DCP1A: variants seen among roughly 807,000 people sequenced by gnomAD.
DCP1A encodes the protein decapping mRNA 1A.
DCP1A carries 20 observed loss-of-function variants against 58.0 expected under a neutral mutation model. The observed-to-expected ratio is 0.34, with a 90% CI of 0.24 to 0.50. DCP1A has a LOEUF of 0.50. Among genes scored for constraint, DCP1A ranks in the 20% least tolerant of loss-of-function variants. The pLI, the probability that DCP1A is intolerant of heterozygous loss-of-function variation, is 0.98. For missense variants in DCP1A, 613 were observed against 712.2 expected (o/e 0.86, Z 1.59); for synonymous variants, 285 against 275.1 (o/e 1.04, Z -0.36).
intron 3 of DCP1A, chr3:53,329,359 T>C (rs1040404752): frequency 2.5e-6 from 1 of 398,578 alleles, no homozygotes. Flanking sequence ...TTAAAAGCAC[T>C]ATGTATCAAG....
At chr3:53,319,537 A>G in intron 3 of DCP1A, 64 bp from the exon 4 acceptor site, 2 of 964,366 alleles carry the variant, frequency 2.1e-6, no homozygotes, top group Non-Finnish European at 3.2e-6. Context: ...GTGTATGTAA[A>G]TAATATATTA....
chr3:53,331,175 T>C (rs2088992837), intron 3 of DCP1A, among the ~76,000 whole-genome samples: 1 of 152,152 alleles, frequency 6.6e-6, no homozygotes, highest in African/African-American at 2.4e-5. Flanking sequence ...AATATTGAAA[T>C]AGTTTTTGCC....
At chr3:53,312,513 T>G in intron 4 of DCP1A, 134 bp from the exon 5 acceptor site, 1 of 787,962 alleles carries the variant, frequency 1.3e-6, no homozygotes, top group African/African-American at 1.9e-5. Flanking sequence ...TTTTTTTTTT[T>G]GAGATGGAGT....
intron 4 of DCP1A, among the ~76,000 whole-genome samples, chr3:53,314,673 T>TTC: frequency 7.2e-6 from 1 of 139,728 alleles, no homozygotes; most frequent in South Asian, 2.4e-4. Context: ...TTTTCTTTTT[T>TTC]TTTTTTTTTT....
At chr3:53,289,255 C>T (rs192795315) in intron 8 of DCP1A, among the ~76,000 whole-genome samples, 150 of 151,372 alleles carry the variant, frequency 9.9e-4, no homozygotes, top group African/African-American at 3.3e-3. Context: ...GCCACCACAC[C>T]TGGCCTCTAA....
intron 3 of DCP1A, among the ~76,000 whole-genome samples, chr3:53,335,382 CCA>C (rs797032866): frequency 7.1e-5 from 1 of 14,166 alleles, no homozygotes. Context: ...CTCAAGTGAT[CCA>C]GCCTGCCTAG....
intron 6 of DCP1A, 83 bp downstream of exon 6, chr3:53,304,094 A>G (rs1707392358): frequency 3.0e-6 from 3 of 995,016 alleles, no homozygotes; most frequent in Non-Finnish European, 4.6e-6. Context: ...ACAACTGACA[A>G]ATCAAACTTG....
intron 1 of DCP1A, among the ~76,000 whole-genome samples, chr3:53,345,629 C>T (rs534276067): frequency 3.3e-5 from 5 of 152,200 alleles, no homozygotes; most frequent in African/African-American, 9.6e-5. Context: ...CAATTTACAG[C>T]CTACAATGGA....
intron 6 of DCP1A, among the ~76,000 whole-genome samples, chr3:53,301,798 T>C (rs1228204433): frequency 2.6e-5 from 4 of 152,198 alleles, no homozygotes; most frequent in African/African-American, 7.2e-5. Flanking sequence ...ACTTGATACA[T>C]GTAACAACTT....
intron 3 of DCP1A, among the ~76,000 whole-genome samples, chr3:53,333,834 T>C (rs1262719369): frequency 2.0e-5 from 3 of 152,212 alleles, no homozygotes; most frequent in African/African-American, 4.8e-5. Flanking sequence ...CTAATGATGC[T>C]TTTTGCTTTA....
At position 53,338,945 on chromosome 3, in the gene DCP1A, T is replaced by C. The variant is rs77289090; in HGVS notation, c.304+3199A>G. Among the ~76,000 whole-genome samples, 79 of 152,188 alleles carry C rather than the reference T, an allele frequency of 5.2e-4. 1 individual carries two copies. Among genetic ancestry groups the C allele is most frequent in the African/African-American group, 1.8e-3 (75 of 41,512 alleles). On this transcript the variant is annotated intron_variant, in intron 3 of 9. Coordinates refer to ENST00000610213, the MANE Select transcript of DCP1A (RefSeq NM_018403.7). ...AAAAAGTTATGGTTCACTGTTCTAG[T>C]ACATTAACTCCAAAAATTAATTTGA... is the stretch of plus-strand genomic sequence containing the variant.
At chr3:53,338,067 A>G (rs782458952) in intron 3 of DCP1A, 11 of 368,078 alleles carry the variant, frequency 3.0e-5, no homozygotes, top group Non-Finnish European at 6.2e-5. Context: ...CCTACTCCCA[A>G]ATTCTCCATC....
rs1350541363 is a variant in DCP1A at position 53,312,336 on chromosome 3, C to T, written c.415G>A (p.Asp139Asn). 5 of 1,612,844 alleles carry T rather than the reference C, an allele frequency of 3.1e-6. No individual in the cohort carries two copies. In the Admixed American group the frequency reaches 5.0e-5, roughly 16 times the overall value. The change falls in exon 5 of 10, where the codon GAC (aspartate) becomes AAC (asparagine). Residue 139 changes from aspartate to asparagine, a missense_variant. This residue lies in a region of DCP1A where 498 missense variants were observed against 556.7 expected (regional missense o/e 0.89). Transcript: ENST00000610213. ...TTGGCCTGGCTGGGACTCTGTTTGTCCCGAGCAGCTTGCTGGGATCGCCGT... is the reference window on the plus strand; with the variant it reads ...TTGGCCTGGCTGGGACTCTGTTTGTTCCGAGCAGCTTGCTGGGATCGCCGT... ...ETRRSQQAAR[D>N]KQSPSQANGC... is the part of the protein sequence containing the mutation.
chr3:53,338,967 T>C (rs995621911), intron 3 of DCP1A, among the ~76,000 whole-genome samples: 15 of 152,114 alleles, frequency 9.9e-5, no homozygotes, highest in African/African-American at 2.4e-4. Flanking sequence ...AAAAATTAAT[T>C]TGAATGAAAG....
chr3:53,292,239 C>T lies in DCP1A; in HGVS notation c.1213G>A (p.Asp405Asn). The change falls in exon 7 of 10, where the codon GAC becomes AAC. Residue 405 changes from aspartate (D) to asparagine (N), a missense_variant. This residue lies in a region of DCP1A where 498 missense variants were observed against 556.7 expected (regional missense o/e 0.89). Transcript: ENST00000610213. ...LQKLRLTPQHDQIQTQPLGKG... is the reference protein window; with the variant it reads ...LQKLRLTPQHNQIQTQPLGKG... ...CCAAGTGGTTGTGTCTGTATTTGGT[C>T]ATGCTGTGGGGTCAACCTGAGTTTC... 6.2e-7 allele frequency: 1 copy of T among 1,613,998 alleles called. No individual in the cohort carries two copies. The highest frequency in any genetic ancestry group is 8.5e-7 in the Non-Finnish European group (1 of 1,179,906).
chr3:53,290,884 C>T (rs1366099081), intron 7 of DCP1A, 28 bp from the exon 8 acceptor site: 3 of 1,581,686 alleles, frequency 1.9e-6, no homozygotes, highest in Admixed American at 1.8e-5. Flanking sequence ...AAAAGACAGA[C>T]GGATATAAGA....
intron 5 of DCP1A, among the ~76,000 whole-genome samples, chr3:53,308,493 T>C (rs990322865): frequency 6.6e-6 from 1 of 152,206 alleles, no homozygotes; most frequent in Non-Finnish European, 1.5e-5. Context: ...GATCTCATTA[T>C]ATGTTGACCA....
chr3:53,288,904 A>C (rs570945855), intron 8 of DCP1A, among the ~76,000 whole-genome samples: 3 of 152,072 alleles, frequency 2.0e-5, no homozygotes, highest in African/African-American at 7.2e-5. Flanking sequence ...GTAATCCCAG[A>C]CTCAGGAGGC....
intron 4 of DCP1A, among the ~76,000 whole-genome samples, chr3:53,315,340 T>A (rs1375432421): frequency 6.6e-6 from 1 of 151,768 alleles, no homozygotes; most frequent in Non-Finnish European, 1.5e-5. Flanking sequence ...GAGTTCAAGG[T>A]CAGCCAGGTC....
Sources: gnomAD v4.1 joint callset for allele counts (sites outside exome capture counted in the v4.1 genomes callset) on GRCh38, gnomAD v4.1.1 for gene constraint, gnomAD v4.1.1 regional missense constraint, MANE v1.5 for transcripts, NCBI Gene and HGNC (gene_info 2026-07-23, HGNC 2026-07-21) for gene names.